The following PLAU variants were observed in gnomAD, a reference collection of about 807,000 sequenced individuals.
The protein encoded by PLAU is urokinase-type plasminogen activator.
PLAU carries 32 observed loss-of-function variants against 48.9 expected under a neutral mutation model. That is an observed-to-expected ratio of 0.65 (90% CI 0.49 to 0.88). PLAU has a LOEUF of 0.88. PLAU is among the 40% of genes least tolerant of loss of function. The pLI is 0.00. For synonymous variants in PLAU, 199 were observed against 205.7 expected (o/e 0.97, Z 0.28); for missense variants, 455 against 545.2 (o/e 0.83, Z 1.65).
chr10:73,913,897 G>A (rs1217147396), intron 7 of PLAU, 83 bp from the exon 8 acceptor site: 14 of 1,456,472 alleles, frequency 9.6e-6, no homozygotes, highest in Middle Eastern at 1.8e-4. Flanking sequence ...GGGACAAGTC[G>A]TGCTTTGAGG....
At chr10:73,915,994 C>T (rs1028544484) in intron 10 of PLAU, among the ~76,000 whole-genome samples, 3 of 152,102 alleles carry the variant, frequency 2.0e-5, no homozygotes, top group Non-Finnish European at 4.4e-5. Flanking sequence ...AATCCCAGCA[C>T]TTTGGGAGGC....
chr10:73,909,288 T>C (rs2096120224), upstream of PLAU: 1 of 152,054 alleles, frequency 6.6e-6, no homozygotes, highest in Non-Finnish European at 1.5e-5. Context: ...AACCTGGGAG[T>C]TTCGGGGTAA....
At chr10:73,914,614 G>T (rs932050952) in intron 8 of PLAU, among the ~76,000 whole-genome samples, 162 bp from the exon 9 acceptor site, 6 of 152,172 alleles carry the variant, frequency 3.9e-5, no homozygotes, top group Admixed American at 1.3e-4. Flanking sequence ...AGCCCTTGGG[G>T]CATGGGGCAG....
At chr10:73,910,578 T>C (rs1373668724), upstream of PLAU, 1 of 152,100 alleles carries the variant, frequency 6.6e-6, no homozygotes, top group Non-Finnish European at 1.5e-5. Context: ...CATCCACTGG[T>C]TGTGTTGGTG....
chr10:73,914,645 G>A, intron 8 of PLAU, 131 bp from the exon 9 acceptor site: 1 of 823,328 alleles, frequency 1.2e-6, no homozygotes, highest in Non-Finnish European at 1.9e-6. Flanking sequence ...CAGGTGATAA[G>A]CGACCAGCAG....
At chr10:73,912,789 C>T (rs1258932960) in intron 4 of PLAU, 135 bp from the exon 5 acceptor site, 6 of 659,086 alleles carry the variant, frequency 9.1e-6, no homozygotes. Context: ...AGGCAGAGAT[C>T]TCAGTGAGCT....
chr10:73,913,264 C>T (rs1369527736), intron 5 of PLAU, 26 bp from the exon 6 acceptor site: 1 of 1,611,468 alleles, frequency 6.2e-7, no homozygotes, highest in Non-Finnish European at 8.5e-7. Context: ...GTTGGAATGA[C>T]ATCCCCTATC....
In PLAU at chr10:73,917,201, T is replaced by A. The variant is rs1343075660; in HGVS notation, c.*636T>A. 4 of 152,750 alleles carry A rather than the reference T, an allele frequency of 2.6e-5. No homozygotes were observed. Among genetic ancestry groups the A allele is most frequent in the Non-Finnish European group, 4.4e-5 (3 of 68,218 alleles). The allele number at this position is 152,750 out of a possible 1,614,324, so 9.5% of individuals were successfully genotyped here. On this transcript the variant is annotated 3_prime_UTR_variant, in exon 11 of 11. Transcript: ENST00000372764. ...GTGTGGACTGTGATGCCACACAGAG[T>A]GGTCTTTCTGGAGAGGTTATAGGTC...
Position 73,912,305 on chromosome 10 carries a change from G to C in PLAU, c.176G>C (p.Gly59Ala). The change falls in exon 4 of 11, where the codon GGG (glycine) becomes GCG (alanine). Residue 59 changes from glycine to alanine, a missense_variant. By Grantham distance (60) the Gly-to-Ala change is moderately conservative. Transcript: ENST00000372764. Reference sequence around the variant, plus strand: ...TGCAACTGCCCAAAGAAATTCGGAGGGCAGCACTGTGAAATAGGTATGGGG... The same window carrying C: ...TGCAACTGCCCAAAGAAATTCGGAGCGCAGCACTGTGAAATAGGTATGGGG... ...HWCNCPKKFG[G>A]QHCEIDKSKT... 6.2e-7 allele frequency: 1 copy of C among 1,613,110 alleles called. No homozygotes were observed. The highest frequency in any genetic ancestry group is 8.5e-7 in the Non-Finnish European group (1 of 1,179,944).
rs2096129484 is a variant in PLAU, at chr10:73,913,544, A to G, written c.466A>G (p.Lys156Glu). The change falls in exon 7 of 11, where the codon AAG (lysine) becomes GAG (glutamate). Residue 156 changes from lysine (K) to glutamate (E), a missense_variant. By Grantham distance (56) the Lys-to-Glu change is moderately conservative. Coordinates refer to ENST00000372764, the MANE Select transcript of PLAU (RefSeq NM_002658.6). ...TCCCTCTGTTTGTCCTCCAGGAAAA[A>G]AGCCCTCCTCTCCTCCAGAAGAATT... ...CMVHDCADGK[K>E]PSSPPEELKF... is the part of the protein sequence containing the mutation. The G allele has an allele frequency of 6.2e-7, 1 of 1,610,962 alleles. No individual in the cohort carries two copies. The highest frequency in any genetic ancestry group is 1.7e-5 in the Admixed American group (1 of 59,706).
chr10:73,911,392 G>T, intron 1 of PLAU, 133 bp from the exon 2 acceptor site: 2 of 981,872 alleles, frequency 2.0e-6, no homozygotes, highest in South Asian at 2.8e-5. Context: ...GCTGCCCGGA[G>T]TCCGGAGCCC....
intron 10 of PLAU, among the ~76,000 whole-genome samples, chr10:73,915,899 A>C (rs771897660): frequency 3.3e-5 from 5 of 152,168 alleles, no homozygotes; most frequent in Non-Finnish European, 7.3e-5. Flanking sequence ...GTGGCAGATG[A>C]CAGGGCTTTT....
chr10:73,916,347 T>C (rs1327503656), intron 10 of PLAU, 42 bp from the exon 11 acceptor site: 6 of 1,579,002 alleles, frequency 3.8e-6, no homozygotes, highest in Non-Finnish European at 5.2e-6. Flanking sequence ...AATCCCCTCC[T>C]CACTTCTCTA....
In PLAU at chr10:73,915,409, C is replaced by T; in HGVS notation, c.1119+10C>T. On this transcript the variant is annotated intron_variant, in intron 10 of 10. Transcript: ENST00000372764. ...AACAGATTCCTGCCAGGTGAGTGTT[C>T]CAAGCATCTCTCTCCACCTCTTCCA... 1.3e-6 allele frequency: 2 copies of T among 1,595,846 alleles called. No individual in the cohort carries two copies. The highest frequency in any genetic ancestry group is 2.2e-5 in the East Asian group (1 of 44,708).
upstream of PLAU, chr10:73,910,065 G>A (rs552343722): frequency 6.6e-6 from 1 of 152,300 alleles, no homozygotes; most frequent in South Asian, 2.1e-4. Context: ...AAATACACAT[G>A]CATTAAAAAA....
chr10:73,916,796 CA>C lies in PLAU; in HGVS notation c.*232del, dbSNP rs2096138023. 1 of 526,820 alleles carries C rather than the reference CA, an allele frequency of 1.9e-6. No homozygotes were observed. The highest frequency in any genetic ancestry group is 2.7e-5 in the South Asian group (1 of 36,634). The allele number at this position is 526,820 out of a possible 1,614,324, so 32.6% of individuals were successfully genotyped here. On this transcript the variant is annotated 3_prime_UTR_variant, in exon 11 of 11. Coordinates refer to ENST00000372764, the MANE Select transcript of PLAU (RefSeq NM_002658.6). ...GGATGGAGGGGTGGTCCTGACTCAA[CA>C]TGTTACTGACCAGCAACTTGTCTTT...
rs2096122859 is a variant in PLAU, at chr10:73,911,136, TGCGG to T, written c.-113_-110del. On this transcript the variant is annotated 5_prime_UTR_variant, in exon 1 of 11. Transcript: ENST00000372764. ...GCAGGCGCCGCGGGTCGCAGCACAGTGCGGAGACCGCAGCCCCGGAGCCCGGGCC... is the reference window on the plus strand; with the variant it reads ...GCAGGCGCCGCGGGTCGCAGCACAGTAGACCGCAGCCCCGGAGCCCGGGCC... 1 of 223,694 alleles carries T rather than the reference TGCGG, an allele frequency of 4.5e-6. No individual in the cohort carries two copies. Among genetic ancestry groups the T allele is most frequent in the African/African-American group, 2.4e-5 (1 of 42,390 alleles). 13.9% of individuals were successfully genotyped at this position (223,694 alleles called of 1,614,324 possible).
Position 73,914,909 on chromosome 10 carries a change from G to C in PLAU, c.963G>C (p.Glu321Asp). ...GTGAGATCACTGGCTTTGGAAAAGA[G>C]AATTCTAGTAAGTGACAATTGCGAC... ...TSCEITGFGK[E>D]NSTDYLYPEQ... The change falls in exon 9 of 11, where the codon GAG (glutamate) becomes GAC (aspartate). Residue 321 changes from glutamate to aspartate, a missense_variant. Coordinates refer to ENST00000372764, the MANE Select transcript of PLAU (RefSeq NM_002658.6). 6.2e-7 allele frequency: 1 copy of C among 1,614,114 alleles called. No individual in the cohort carries two copies. Among genetic ancestry groups the C allele is most frequent in the African/African-American group, 1.3e-5 (1 of 75,052 alleles).
chr10:73,911,774 C>T, intron 2 of PLAU, 162 bp downstream of exon 2: 1 of 1,551,922 alleles, frequency 6.4e-7, no homozygotes, highest in Non-Finnish European at 8.7e-7. Flanking sequence ...GGCTTGAGAA[C>T]CACGGGGGTT....
Sources: gnomAD v4.1 joint callset for allele counts (sites outside exome capture counted in the v4.1 genomes callset) on GRCh38, gnomAD v4.1.1 for gene constraint, MANE v1.5 for transcripts, NCBI Gene and HGNC (gene_info 2026-07-23, HGNC 2026-07-21) for gene names.